Variants in KCNQ1 observed in about 807,000 individuals in gnomAD.
KCNQ1 encodes potassium voltage-gated channel subfamily Q member 1.
In KCNQ1, 49 loss-of-function variants were observed where a neutral mutation model predicts 72.4. The observed-to-expected ratio is 0.68, with a 90% confidence interval of 0.54 to 0.86. The LOEUF (loss-of-function observed/expected upper bound fraction) is 0.86, where lower values mean the gene tolerates loss of function less well. Ranked by LOEUF, KCNQ1 falls within the 40% of genes least tolerant of loss-of-function variation. The pLI, the probability that KCNQ1 is intolerant of heterozygous loss-of-function variation, is 0.00. For synonymous variants in KCNQ1, 450 were observed against 412.6 expected, an observed-to-expected ratio of 1.09 and a Z score of -1.10; for missense variants, 790 against 945.1, an observed-to-expected ratio of 0.84 and a Z score of 2.15.
rs996801722 is a variant in KCNQ1 at position 2,725,866 on chromosome 11, C to G, written c.1515-42978C>G. Among the ~76,000 whole-genome samples the G allele has an allele frequency of 2.9e-4, 44 of 151,988 alleles. No individual in the cohort carries two copies. Among genetic ancestry groups the G allele is most frequent in the Non-Finnish European group, 4.4e-5 (3 of 68,004 alleles). The stretch of plus-strand genomic sequence containing the variant: ...GCTCCCTGGGGCCCCACAGGCCAAG[C>G]GTTTTCTGACTTGGAGAGGCAGGAG... On this transcript the variant is annotated intron_variant, in intron 11 of 15. Transcript: ENST00000155840. The surrounding 1 kb of genome is among the most constrained non-coding windows in gnomAD (Gnocchi z 7.2).
chr11:2,527,886 G>A (rs1223477341), intron 1 of KCNQ1, 42 bp from the exon 2 acceptor site: 1 of 1,571,012 alleles, frequency 6.4e-7, no homozygotes, highest in East Asian at 2.2e-5. Context: ...CTGTGGGATG[G>A]GCAGAGGCCG....
intron 15 of KCNQ1, among the ~76,000 whole-genome samples, chr11:2,835,590 C>T (rs1848046250): frequency 6.6e-6 from 1 of 152,194 alleles, no homozygotes; most frequent in Non-Finnish European, 1.5e-5. Context: ...AGCCCCACCT[C>T]CAAGGAGCTG....
At chr11:2,539,079 G>A (rs1847781219) in intron 2 of KCNQ1, among the ~76,000 whole-genome samples, 1 of 152,168 alleles carries the variant, frequency 6.6e-6, no homozygotes, top group Non-Finnish European at 1.5e-5. Context: ...TCCGGCCAGG[G>A]GTGGGGCAGC....
intron 11 of KCNQ1, chr11:2,693,115 G>A (rs572486586): frequency 2.5e-6 from 1 of 398,658 alleles, no homozygotes; most frequent in African/African-American, 2.1e-5. Context: ...TTTGCCCCAA[G>A]ACTACTTTCT....
chr11:2,544,625 A>G lies in KCNQ1; in HGVS notation c.477+16607A>G, dbSNP rs1847879654. 6.6e-6 allele frequency among the ~76,000 whole-genome samples: 1 copy of G among 152,144 alleles called. No individual in the cohort carries two copies. The highest frequency in any genetic ancestry group is 1.5e-5 in the Non-Finnish European group (1 of 68,024). On this transcript the variant is annotated intron_variant, in intron 2 of 15. Coordinates refer to ENST00000155840, the MANE Select transcript of KCNQ1 (RefSeq NM_000218.3). The surrounding 1 kb of genome is among the most constrained non-coding windows in gnomAD (Gnocchi z 4.4). ...TGCTATGGTCAATGGTATTTCTTCT[A>G]ATCTAGAACTGAAATTCATTTTGAC... is the stretch of plus-strand genomic sequence containing the variant.
At chr11:2,814,623 CAAGGAAG>C (rs1255405260) in intron 15 of KCNQ1, among the ~76,000 whole-genome samples, 1 of 142,438 alleles carries the variant, frequency 7.0e-6, no homozygotes, top group East Asian at 2.3e-4. Context: ...TGGAAGGAGA[CAAGGAAG>C]GAAGGAAGGA....
intron 2 of KCNQ1, among the ~76,000 whole-genome samples, chr11:2,542,314 G>A (rs537921370): frequency 2.8e-4 from 43 of 152,384 alleles, no homozygotes; most frequent in African/African-American, 7.2e-4. Flanking sequence ...TGGCGGGGGC[G>A]GGGAAGGAAG....
Position 2,564,634 on chromosome 11 carries a change from C to A in KCNQ1, c.478-5994C>A, listed in dbSNP as rs938709204. 2.6e-5 allele frequency among the ~76,000 whole-genome samples: 4 copies of A among 152,160 alleles called. No individual in the cohort carries two copies. The highest frequency in any genetic ancestry group is 5.9e-5 in the Non-Finnish European group (4 of 68,024). On this transcript the variant is annotated intron_variant, in intron 2 of 15. Coordinates refer to ENST00000155840, the MANE Select transcript of KCNQ1 (RefSeq NM_000218.3). This position sits in a 1 kb window ranked among gnomAD's most constrained non-coding sequence, Gnocchi z 4.5. The stretch of plus-strand genomic sequence containing the variant: ...TGGAAATATGTTTTACCATCTTAAC[C>A]CTTTTTAAGATCACAGTTCCTTGCG...
Position 2,571,475 on chromosome 11 carries a change from C to T in KCNQ1, c.683+72C>T, listed in dbSNP as rs1173761675. On this transcript the variant is annotated intron_variant, in intron 4 of 15. Coordinates refer to ENST00000155840, the MANE Select transcript of KCNQ1 (RefSeq NM_000218.3). ...GCACCCCTCCTGAGCCGCGGGTGGT[C>T]TCACGCCCCATCCACCTTGCTCAGA... is the stretch of plus-strand genomic sequence containing the variant. 3 of 1,265,704 alleles carry T rather than the reference C, an allele frequency of 2.4e-6. No individual in the cohort carries two copies. In the African/African-American group the frequency reaches 4.4e-5, roughly 19 times the overall value. 78.4% of individuals were successfully genotyped at this position (1,265,704 alleles called of 1,614,324 possible).
At position 2,704,340 on chromosome 11, in the gene KCNQ1, C is replaced by G. The variant is rs917353140; in HGVS notation, c.1514+42259C>G. 1.3e-5 allele frequency among the ~76,000 whole-genome samples: 2 copies of G among 152,230 alleles called. No homozygotes were observed. The highest frequency in any genetic ancestry group is 2.9e-5 in the Non-Finnish European group (2 of 68,044). ...CAGGTACATGGGCCTGTTGTCAACTCTGTTCCCACTGAGCCCATGAGACGG... is the reference window on the plus strand; with the variant it reads ...CAGGTACATGGGCCTGTTGTCAACTGTGTTCCCACTGAGCCCATGAGACGG... On this transcript the variant is annotated intron_variant, in intron 11 of 15. Coordinates refer to ENST00000155840, the MANE Select transcript of KCNQ1 (RefSeq NM_000218.3). This position sits in a 1 kb window ranked among gnomAD's most constrained non-coding sequence, Gnocchi z 4.3.
At chr11:2,807,140 G>A (rs941968181) in intron 15 of KCNQ1, among the ~76,000 whole-genome samples, 1 of 152,242 alleles carries the variant, frequency 6.6e-6, no homozygotes, top group Non-Finnish European at 1.5e-5. Context: ...AGCCCGTTTG[G>A]AAGTCTGCTA....
rs576489464 is a variant in KCNQ1, at chr11:2,624,008, G to C, written c.1393+35154G>C. 1 of 399,118 alleles carries C rather than the reference G, an allele frequency of 2.5e-6. No individual in the cohort carries two copies. Among genetic ancestry groups the C allele is most frequent in the East Asian group, 3.6e-5 (1 of 28,110 alleles). 24.7% of individuals were successfully genotyped at this position (399,118 alleles called of 1,614,324 possible). A position where few individuals can be genotyped will look rare whatever the true frequency, so the allele number is the denominator to read the frequency against. On this transcript the variant is annotated intron_variant, in intron 10 of 15. Transcript: ENST00000155840. This position sits in a 1 kb window ranked among gnomAD's most constrained non-coding sequence, Gnocchi z 4.9. ...TCCCATTAATGGTATATGTCAAAGTGGCTGTACCATTTTGCATTCCCACCA... is the reference window on the plus strand; with the variant it reads ...TCCCATTAATGGTATATGTCAAAGTCGCTGTACCATTTTGCATTCCCACCA...
At chr11:2,469,903 G>T (rs1442919886) in intron 1 of KCNQ1, among the ~76,000 whole-genome samples, 2 of 149,498 alleles carry the variant, frequency 1.3e-5, no homozygotes, top group Admixed American at 1.3e-4. Flanking sequence ...CTCGTGATCC[G>T]CCCGCCTCAG....
rs1850020758 is a variant in KCNQ1 at position 2,664,166 on chromosome 11, T to G, written c.1514+2085T>G. 1 of 398,412 alleles carries G rather than the reference T, an allele frequency of 2.5e-6. No individual in the cohort carries two copies. The highest frequency in any genetic ancestry group is 2.1e-5 in the African/African-American group (1 of 48,540). 24.7% of individuals were successfully genotyped at this position (398,412 alleles called of 1,614,324 possible). ...CTCTCAGAGCAGGCTGTTCCAAAAG[T>G]GGCTGCTAGATATGAGCCAGCCTGG... is the stretch of plus-strand genomic sequence containing the variant. On this transcript the variant is annotated intron_variant, in intron 11 of 15. Transcript: ENST00000155840. This position sits in a 1 kb window ranked among gnomAD's most constrained non-coding sequence, Gnocchi z 5.1.
intron 2 of KCNQ1, among the ~76,000 whole-genome samples, chr11:2,539,806 T>C (rs1204579310): frequency 2.0e-5 from 3 of 152,188 alleles, no homozygotes; most frequent in Non-Finnish European, 2.9e-5. Flanking sequence ...GTGTTTCCTT[T>C]ATGTTCTGCC....
intron 10 of KCNQ1, chr11:2,628,339 T>G (rs1045111893): frequency 1.0e-5 from 4 of 398,482 alleles, no homozygotes; most frequent in East Asian, 3.6e-5. Context: ...CTAACAGTTA[T>G]GAGGTGATAT....
rs1354942574 is a variant in KCNQ1 at position 2,652,721 on chromosome 11, C to G, written c.1394-9240C>G. 2 of 398,890 alleles carry G rather than the reference C, an allele frequency of 5.0e-6. No individual in the cohort carries two copies. Among genetic ancestry groups the G allele is most frequent in the Non-Finnish European group, 8.8e-6 (2 of 226,318 alleles). The allele number at this position is 398,890 out of a possible 1,614,324, so 24.7% of individuals were successfully genotyped here. On this transcript the variant is annotated intron_variant, in intron 10 of 15. Coordinates refer to ENST00000155840, the MANE Select transcript of KCNQ1 (RefSeq NM_000218.3). This position sits in a 1 kb window ranked among gnomAD's most constrained non-coding sequence, Gnocchi z 5.9. ...GCTCTCTTTCCGTTTCCTGGGCTCACTCACGCTCAGGGTTGACCCTGTCCT... is the reference window on the plus strand; with the variant it reads ...GCTCTCTTTCCGTTTCCTGGGCTCAGTCACGCTCAGGGTTGACCCTGTCCT...
rs1363403452 is a variant in KCNQ1, at chr11:2,848,982, G to T, written c.*979G>T. On this transcript the variant is annotated 3_prime_UTR_variant, in exon 16 of 16. Coordinates refer to ENST00000155840, the MANE Select transcript of KCNQ1 (RefSeq NM_000218.3). The stretch of plus-strand genomic sequence containing the variant: ...GTGCAAGCTTTTCCTAATAAACGTG[G>T]AGAATCACAGGCTGGGCTGGGCACT... 6.6e-6 allele frequency: 3 copies of T among 454,062 alleles called. No individual in the cohort carries two copies. The highest frequency in any genetic ancestry group is 6.0e-5 in the African/African-American group (3 of 50,024). 28.1% of individuals were successfully genotyped at this position (454,062 alleles called of 1,614,324 possible). A position where few individuals can be genotyped will look rare whatever the true frequency, so the allele number is the denominator to read the frequency against.
Position 2,663,483 on chromosome 11 carries a change from G to A in KCNQ1, c.1514+1402G>A, listed in dbSNP as rs1490694326. On this transcript the variant is annotated intron_variant, in intron 11 of 15. Coordinates refer to ENST00000155840, the MANE Select transcript of KCNQ1 (RefSeq NM_000218.3). The surrounding 1 kb of genome is among the most constrained non-coding windows in gnomAD (Gnocchi z 5.2). ...GTGTTAGTTTAGTGGCTCATGTTGTGTGCAATACAGGTGGCAGTGCCTGTA... is the reference window on the plus strand; with the variant it reads ...GTGTTAGTTTAGTGGCTCATGTTGTATGCAATACAGGTGGCAGTGCCTGTA... 1.8e-5 allele frequency: 7 copies of A among 398,544 alleles called. No homozygotes were observed. Among genetic ancestry groups the A allele is most frequent in the South Asian group, 1.3e-4 (1 of 7,862 alleles). The allele number at this position is 398,544 out of a possible 1,614,324, so 24.7% of individuals were successfully genotyped here.
Sources: allele counts gnomAD v4.1 joint callset (sites outside exome capture counted in the v4.1 genomes callset), GRCh38; gene constraint gnomAD v4.1.1; non-coding constraint Gnocchi (gnomAD v3.1); transcripts MANE v1.5; gene names NCBI Gene and HGNC (gene_info 2026-07-23, HGNC 2026-07-21).